MAML3: variants seen among roughly 807,000 people sequenced by gnomAD.
MAML3 encodes the protein mastermind like transcriptional coactivator 3, also known as mastermind-like protein 3.
MAML3 carries 27 observed loss-of-function variants against 101.9 expected under a neutral mutation model. That is an observed-to-expected ratio of 0.27 (90% CI 0.20 to 0.37). The LOEUF (loss-of-function observed/expected upper bound fraction) is 0.37. MAML3 is among the 10% of genes least tolerant of loss of function. The pLI, the probability that MAML3 is intolerant of heterozygous loss-of-function variation, is 1.00. For synonymous variants in MAML3, 501 were observed against 555.9 expected, an observed-to-expected ratio of 0.90 and a Z score of 1.39; for missense variants, 1,316 against 1,444.9, an observed-to-expected ratio of 0.91 and a Z score of 1.45.
intron 4 of MAML3, among the ~76,000 whole-genome samples, chr4:139,724,142 TC>T (rs1381382066): frequency 6.6e-6 from 1 of 152,232 alleles, no homozygotes; most frequent in Non-Finnish European, 1.5e-5. Context: ...CTTTTGTCCT[TC>T]CCTGTGTCAA....
chr4:139,822,395 G>A (rs1378430711), intron 2 of MAML3, among the ~76,000 whole-genome samples: 2 of 152,096 alleles, frequency 1.3e-5, no homozygotes, highest in African/African-American at 4.8e-5. Context: ...CTGAGTTTCT[G>A]GGGTAAGTTC....
rs1281850191 is a variant in MAML3 at position 140,153,314 on chromosome 4, G to C, written c.14C>G (p.Ala5Gly). 1 of 1,594,404 alleles carries C rather than the reference G, an allele frequency of 6.3e-7. No individual in the cohort carries two copies. Among genetic ancestry groups the C allele is most frequent in the East Asian group, 2.2e-5 (1 of 44,620 alleles). The change falls in exon 1 of 5, where the codon GCA becomes GGA. Residue 5 changes from alanine to glycine, a missense_variant. By Grantham distance (60) the Ala-to-Gly change is moderately conservative. Transcript: ENST00000509479. The part of the protein sequence containing the change: MGDF[A>G]APAAAANGSS... ...GCCATTCGCGGCAGCAGCGGGGGCTGCGAAATCCCCCATCCTGCTCCCCGG... is the reference window on the plus strand; with the variant it reads ...GCCATTCGCGGCAGCAGCGGGGGCTCCGAAATCCCCCATCCTGCTCCCCGG...
intron 1 of MAML3, among the ~76,000 whole-genome samples, chr4:139,985,071 C>G (rs1734513202): frequency 6.6e-6 from 1 of 152,148 alleles, no homozygotes; most frequent in Non-Finnish European, 1.5e-5. Context: ...ATGGAAACAC[C>G]ACTAGATTAT....
chr4:139,789,794 CCAACCT>C (rs1016830438), intron 2 of MAML3, among the ~76,000 whole-genome samples: 14 of 151,850 alleles, frequency 9.2e-5, no homozygotes, highest in African/African-American at 3.4e-4. Context: ...TTTTGTTTTT[CCAACCT>C]CAACTATGGC....
intron 4 of MAML3, among the ~76,000 whole-genome samples, chr4:139,722,409 A>ATC (rs1728272896): frequency 6.6e-6 from 1 of 152,206 alleles, no homozygotes; most frequent in Non-Finnish European, 1.5e-5. Context: ...GTGTCCAAGG[A>ATC]ATTAACTTGT....
intron 2 of MAML3, among the ~76,000 whole-genome samples, chr4:139,822,598 C>A (rs1730994307): frequency 6.6e-6 from 1 of 152,188 alleles, no homozygotes; most frequent in Non-Finnish European, 1.5e-5. Context: ...TTGGAGCTTC[C>A]TTTGAATGCA....
At chr4:140,139,189 C>G (rs187992404) in intron 1 of MAML3, among the ~76,000 whole-genome samples, 3 of 152,168 alleles carry the variant, frequency 2.0e-5, no homozygotes, top group Admixed American at 2.0e-4. Flanking sequence ...AGGAGAATCC[C>G]TTGAGCCCAG....
chr4:139,960,007 A>T (rs1017427050), intron 1 of MAML3, among the ~76,000 whole-genome samples: 1 of 152,212 alleles, frequency 6.6e-6, no homozygotes, highest in African/African-American at 2.4e-5. Flanking sequence ...AGAGACTATC[A>T]TTTAGCTGGA....
At chr4:139,938,231 A>G (rs1733542504) in intron 1 of MAML3, among the ~76,000 whole-genome samples, 1 of 152,196 alleles carries the variant, frequency 6.6e-6, no homozygotes, top group South Asian at 2.1e-4. Flanking sequence ...AATACTAAGG[A>G]CTGGGAGAAA....
intron 2 of MAML3, among the ~76,000 whole-genome samples, chr4:139,835,970 G>A (rs757938325): frequency 1.3e-5 from 2 of 152,162 alleles, no homozygotes; most frequent in Non-Finnish European, 2.9e-5. Context: ...ACTCATGAAG[G>A]TGCCTGGTGA....
chr4:139,998,517 T>C (rs1460427740), intron 1 of MAML3, among the ~76,000 whole-genome samples: 2 of 152,264 alleles, frequency 1.3e-5, no homozygotes, highest in African/African-American at 4.8e-5. Flanking sequence ...ACTTGTTTTA[T>C]ACATAATGTT....
intron 2 of MAML3, among the ~76,000 whole-genome samples, chr4:139,840,407 C>T (rs372588087): frequency 4.3e-4 from 66 of 152,076 alleles, no homozygotes; most frequent in Non-Finnish European, 8.8e-5. Context: ...CTTCGTGATT[C>T]GGTGGTACTC....
At chr4:140,152,184 C>CGCATCCGCGCGCGCTCCCGCGA (rs1729183979) in intron 1 of MAML3, among the ~76,000 whole-genome samples, 2 of 152,162 alleles carry the variant, frequency 1.3e-5, no homozygotes, top group Non-Finnish European at 2.9e-5. Context: ...ACCCGCGCCC[C>CGCATCCGCGCGCGCTCCCGCGA]GCATCCGCGC....
intron 1 of MAML3, among the ~76,000 whole-genome samples, chr4:139,988,113 G>C (rs1220439479): frequency 6.6e-6 from 1 of 150,752 alleles, no homozygotes; most frequent in East Asian, 2.0e-4. Context: ...GATCACCTGA[G>C]GTCAGGAGTT....
At chr4:139,882,691 A>G (rs1578645290) in intron 2 of MAML3, among the ~76,000 whole-genome samples, 1 of 152,318 alleles carries the variant, frequency 6.6e-6, no homozygotes, top group African/African-American at 2.4e-5. Context: ...TCTACTAAAA[A>G]TACAAAAATT....
At chr4:139,826,173 C>T (rs1243610856) in intron 2 of MAML3, among the ~76,000 whole-genome samples, 2 of 151,964 alleles carry the variant, frequency 1.3e-5, no homozygotes, top group African/African-American at 2.4e-5. Context: ...TGAGCAGCCT[C>T]CCCTGGCATC....
chr4:139,772,240 C>CAAAAA (rs1213721738), intron 2 of MAML3, among the ~76,000 whole-genome samples: 1 of 39,262 alleles, frequency 2.5e-5, no homozygotes. Context: ...ACTCCGTTCT[C>CAAAAA]AAAAAAAAAA....
intron 2 of MAML3, among the ~76,000 whole-genome samples, chr4:139,734,207 G>A (rs1728837558): frequency 6.6e-6 from 1 of 152,160 alleles, no homozygotes; most frequent in South Asian, 2.1e-4. Context: ...CAGTCTCAGA[G>A]GGCTTAATGA....
intron 1 of MAML3, among the ~76,000 whole-genome samples, chr4:139,953,157 A>G (rs191200522): frequency 2.2e-4 from 34 of 152,340 alleles, no homozygotes; most frequent in Admixed American, 2.2e-3. Flanking sequence ...ACACTTCTAT[A>G]TGCTTGAGAC....
Sources: gnomAD v4.1 joint callset for allele counts (sites outside exome capture counted in the v4.1 genomes callset) on GRCh38, gnomAD v4.1.1 for gene constraint, MANE v1.5 for transcripts, NCBI Gene and HGNC (gene_info 2026-07-23, HGNC 2026-07-21) for gene names.